ARL15: variants seen among roughly 807,000 people sequenced by gnomAD.
The protein encoded by ARL15 is ADP-ribosylation factor-like protein 15.
ARL15 carries 19 observed loss-of-function variants against 25.2 expected under a neutral mutation model. The observed-to-expected ratio is 0.75, with a 90% CI of 0.53 to 1.10. The LOEUF is 1.10. Among genes scored for constraint, ARL15 ranks in the 50% least tolerant of loss-of-function variants. The probability of loss-of-function intolerance (pLI) is 0.00; values close to 1 mark genes in which losing one functional copy is unlikely to be tolerated. For missense variants in ARL15, 220 were observed against 246.0 expected, an observed-to-expected ratio of 0.89 and a Z score of 0.71; for synonymous variants, 94 against 86.8, an observed-to-expected ratio of 1.08 and a Z score of -0.46.
intron 4 of ARL15, among the ~76,000 whole-genome samples, chr5:53,889,810 G>GTTTTT (rs35947755): frequency 2.2e-5 from 3 of 135,882 alleles, no homozygotes; most frequent in Non-Finnish European, 4.7e-5. Context: ...AGTTCTGACT[G>GTTTTT]TTTTTTTTTT....
chr5:54,047,189 G>C (rs1750548471), intron 4 of ARL15, among the ~76,000 whole-genome samples: 1 of 152,042 alleles, frequency 6.6e-6, no homozygotes, highest in Non-Finnish European at 1.5e-5. Flanking sequence ...TAGTATTCCA[G>C]GAAGTATACT....
intron 4 of ARL15, among the ~76,000 whole-genome samples, chr5:53,968,656 G>GCATT (rs776550302): frequency 1.5e-3 from 227 of 152,036 alleles, no homozygotes; most frequent in African/African-American, 5.1e-3. Flanking sequence ...TTGATATAGA[G>GCATT]CATTCATTCA....
chr5:53,951,520 A>T (rs1746957505), intron 4 of ARL15: 2 of 471,894 alleles, frequency 4.2e-6, no homozygotes, highest in Non-Finnish European at 4.4e-6. Flanking sequence ...GGTTCTGTGT[A>T]GGTATTCTTT....
At chr5:54,018,284 G>C (rs1450420324) in intron 4 of ARL15, among the ~76,000 whole-genome samples, 1 of 152,104 alleles carries the variant, frequency 6.6e-6, no homozygotes, top group African/African-American at 2.4e-5. Context: ...TTTTTCAACA[G>C]TATGTCATTA....
At chr5:53,917,066 G>A (rs58028021) in intron 4 of ARL15, among the ~76,000 whole-genome samples, 1 of 152,158 alleles carries the variant, frequency 6.6e-6, no homozygotes, top group East Asian at 1.9e-4. Flanking sequence ...AAAAGCATCA[G>A]GTAGGAAAAT....
intron 1 of ARL15, among the ~76,000 whole-genome samples, chr5:54,253,066 GA>G (rs1211080924): frequency 6.6e-6 from 1 of 152,006 alleles, no homozygotes; most frequent in African/African-American, 2.4e-5. Flanking sequence ...AGAATCAGGA[GA>G]GGGGACAATT....
chr5:54,162,381 T>C (rs1031120384), intron 2 of ARL15, among the ~76,000 whole-genome samples: 2 of 152,200 alleles, frequency 1.3e-5, no homozygotes, highest in Admixed American at 1.3e-4. Flanking sequence ...CTTATCTTTC[T>C]TAAGAAGTCT....
At chr5:54,170,351 C>T (rs1754681614) in intron 2 of ARL15, among the ~76,000 whole-genome samples, 1 of 152,192 alleles carries the variant, frequency 6.6e-6, no homozygotes, top group Admixed American at 6.6e-5. Flanking sequence ...TTAGCCTCCA[C>T]ATCATGGCCA....
chr5:54,136,409 T>C (rs1753604086), intron 3 of ARL15, among the ~76,000 whole-genome samples: 3 of 152,220 alleles, frequency 2.0e-5, no homozygotes, highest in African/African-American at 7.2e-5. Context: ...AATTTTTCAA[T>C]GCATCTTGAC....
chr5:54,000,890 G>A (rs905776449), intron 4 of ARL15, among the ~76,000 whole-genome samples: 7 of 152,140 alleles, frequency 4.6e-5, no homozygotes, highest in African/African-American at 1.7e-4. Flanking sequence ...TCATGAGTGT[G>A]TGAGCCACTG....
At chr5:54,095,943 G>A (rs1300208090) in intron 4 of ARL15, among the ~76,000 whole-genome samples, 1 of 152,034 alleles carries the variant, frequency 6.6e-6, no homozygotes, top group Non-Finnish European at 1.5e-5. Context: ...TTTAATGACA[G>A]GAGATTGTTG....
chr5:54,293,588 G>A (rs1411430104), intron 1 of ARL15, among the ~76,000 whole-genome samples: 3 of 152,188 alleles, frequency 2.0e-5, no homozygotes, highest in Non-Finnish European at 4.4e-5. Context: ...GGAAAAAGTT[G>A]AAAGGAACTT....
chr5:54,231,701 G>A (rs1465990481), intron 1 of ARL15, among the ~76,000 whole-genome samples: 1 of 152,176 alleles, frequency 6.6e-6, no homozygotes, highest in Admixed American at 6.5e-5. Context: ...AGTTTCTGAT[G>A]AGGGCTCTAT....
At chr5:54,045,772 C>A (rs998110100) in intron 4 of ARL15, among the ~76,000 whole-genome samples, 4 of 152,172 alleles carry the variant, frequency 2.6e-5, no homozygotes, top group Non-Finnish European at 5.9e-5. Flanking sequence ...ACCCCCCAGT[C>A]AACAGAAGGC....
At chr5:54,218,454 T>C (rs1175267182) in intron 1 of ARL15, among the ~76,000 whole-genome samples, 2 of 152,196 alleles carry the variant, frequency 1.3e-5, no homozygotes, top group Non-Finnish European at 2.9e-5. Context: ...CTATATCCTC[T>C]AATGACAAAA....
At chr5:54,133,316 G>T (rs891602161) in intron 3 of ARL15, among the ~76,000 whole-genome samples, 3 of 152,164 alleles carry the variant, frequency 2.0e-5, no homozygotes, top group Non-Finnish European at 4.4e-5. Context: ...ATATTAAAGA[G>T]TCGAAGTTCC....
chr5:54,114,416 A>AAAAAAAAAAAAAAAAAAAAC, intron 3 of ARL15, among the ~76,000 whole-genome samples: 3 of 149,522 alleles, frequency 2.0e-5, no homozygotes, highest in African/African-American at 4.9e-5. Flanking sequence ...GAAAAAAAAA[A>AAAAAAAAAAAAAAAAAAAAC]AAAAAAGCAA....
intron 4 of ARL15, among the ~76,000 whole-genome samples, chr5:54,104,315 G>A (rs1029612064): frequency 2.0e-5 from 3 of 151,908 alleles, no homozygotes; most frequent in Non-Finnish European, 4.4e-5. Flanking sequence ...ATAATATTAG[G>A]GAATGTCTTC....
intron 1 of ARL15, among the ~76,000 whole-genome samples, chr5:54,184,749 T>C (rs1392890326): frequency 6.6e-6 from 1 of 152,162 alleles, no homozygotes; most frequent in Non-Finnish European, 1.5e-5. Flanking sequence ...CCATATATTC[T>C]ACTAGTCACC....
Sources: gnomAD v4.1 joint callset for allele counts (sites outside exome capture counted in the v4.1 genomes callset) on GRCh38, gnomAD v4.1.1 for gene constraint, MANE v1.5 for transcripts, NCBI Gene and HGNC (gene_info 2026-07-23, HGNC 2026-07-21) for gene names.